The following ABCA4 variants were observed in gnomAD, a reference collection of about 807,000 sequenced individuals.
The protein encoded by ABCA4 is ATP binding cassette subfamily A member 4, also known as retinal-specific phospholipid-transporting ATPase ABCA4.
In ABCA4, 196 loss-of-function variants were observed where a neutral mutation model predicts 263.7. That is an observed-to-expected ratio of 0.74 (90% CI 0.66 to 0.84). The LOEUF is 0.84. Ranked by LOEUF, ABCA4 falls within the 40% of genes least tolerant of loss-of-function variation. ABCA4 has a pLI of 0.00. For missense variants in ABCA4, 2,792 were observed against 2,855.1 expected (o/e 0.98, Z 0.50); for synonymous variants, 1,133 against 1,094.2 (o/e 1.04, Z -0.70).
Position 94,044,633 on chromosome 1 carries a change from C to T in ABCA4, c.3030G>A (p.Gln1010=). The change falls in exon 20 of 50, where the codon CAG becomes CAA. Residue 1010 remains glutamine, a synonymous_variant. Transcript: ENST00000370225. ...AVRQSLGMCP[Q]HNILFHHLTV... is the part of the protein sequence containing the mutation. ...CTTACTGGTGGAACAGGATGTTGTGCTGTGGACACATGCCAAGGCTCTGCC... is the reference window on the plus strand; with the variant it reads ...CTTACTGGTGGAACAGGATGTTGTGTTGTGGACACATGCCAAGGCTCTGCC... 6.2e-7 allele frequency: 1 copy of T among 1,614,214 alleles called. No individual in the cohort carries two copies. Among genetic ancestry groups the T allele is most frequent in the Non-Finnish European group, 8.5e-7 (1 of 1,180,048 alleles).
chr1:94,077,722 G>A lies in ABCA4; in HGVS notation c.1522C>T (p.Arg508Cys), dbSNP rs138157885. 287 of 1,613,918 alleles carry A rather than the reference G, an allele frequency of 1.8e-4. No individual in the cohort carries two copies. Among genetic ancestry groups the A allele is most frequent in the Non-Finnish European group, 2.2e-4 (257 of 1,179,884 alleles). ...TATTGATTGACCAGGCGGAGGGTGC[G>A]ATCAGTGATGTTAAATATGTCCCTC... The part of the protein sequence containing the change: ...DWRDIFNITD[R>C]TLRLVNQYLE... The change falls in exon 11 of 50, where the codon CGC becomes TGC. Residue 508 changes from arginine to cysteine, a missense_variant. Physicochemically the swap from Arg to Cys is radical, Grantham distance 180. Coordinates refer to ENST00000370225, the MANE Select transcript of ABCA4 (RefSeq NM_000350.3).
chr1:94,103,034 G>A lies in ABCA4; in HGVS notation c.551C>T (p.Ser184Phe). 1 of 1,614,228 alleles carries A rather than the reference G, an allele frequency of 6.2e-7. No individual in the cohort carries two copies. The highest frequency in any genetic ancestry group is 8.5e-7 in the Non-Finnish European group (1 of 1,180,042). The change falls in exon 5 of 50, where the codon TCT (serine) becomes TTT (phenylalanine). Residue 184 changes from serine (S) to phenylalanine (F), a missense_variant. Physicochemically the swap from Ser to Phe is radical, Grantham distance 155. Transcript: ENST00000370225. ...SDSVVYLLIN[S>F]QVRPEQFAHG... is the part of the protein sequence containing the mutation. ...CCCTACCTGCTCTGGACGGACTTGAGAGTTGATCAGAAGGTAGACCACTGA... is the reference window on the plus strand; with the variant it reads ...CCCTACCTGCTCTGGACGGACTTGAAAGTTGATCAGAAGGTAGACCACTGA...
chr1:94,095,328 G>A (rs908650964), intron 6 of ABCA4, among the ~76,000 whole-genome samples: 5 of 151,934 alleles, frequency 3.3e-5, no homozygotes, highest in African/African-American at 4.8e-5. Context: ...CCCTTGTCTC[G>A]GAGGTTGCAC....
At chr1:94,038,410 C>T (rs1466258708) in intron 24 of ABCA4, among the ~76,000 whole-genome samples, 1 of 152,172 alleles carries the variant, frequency 6.6e-6, no homozygotes, top group East Asian at 1.9e-4. Flanking sequence ...CATGACTCTT[C>T]AGAAAGCAGC....
At chr1:94,055,971 T>A (rs1660967879) in intron 15 of ABCA4, among the ~76,000 whole-genome samples, 1 of 152,144 alleles carries the variant, frequency 6.6e-6, no homozygotes, top group Non-Finnish European at 1.5e-5. Flanking sequence ...AGGGTGGAAA[T>A]GGCCCATTTG....
intron 39 of ABCA4, 61 bp downstream of exon 39, chr1:94,011,201 C>G (rs929506653): frequency 2.5e-6 from 4 of 1,612,558 alleles, no homozygotes; most frequent in African/African-American, 1.3e-5. Context: ...GGAGCCCCCC[C>G]GGTAACCCTC....
At chr1:94,011,199 C>G in intron 39 of ABCA4, 63 bp downstream of exon 39, 4 of 1,612,674 alleles carry the variant, frequency 2.5e-6, no homozygotes, top group South Asian at 1.1e-5. Flanking sequence ...CAGGAGCCCC[C>G]CCGGTAACCC....
intron 11 of ABCA4, among the ~76,000 whole-genome samples, chr1:94,067,274 T>C (rs1661294280): frequency 6.6e-6 from 1 of 152,240 alleles, no homozygotes. Flanking sequence ...CTCTCAGAGA[T>C]ATCTGGCCCA....
chr1:94,026,187 T>C (rs1222340642), intron 30 of ABCA4, among the ~76,000 whole-genome samples: 2 of 152,122 alleles, frequency 1.3e-5, no homozygotes, highest in African/African-American at 4.8e-5. Context: ...TTGCGCACCA[T>C]TCTTTCCTTT....
At chr1:94,024,149 C>G (rs556492674) in intron 31 of ABCA4, among the ~76,000 whole-genome samples, 1 of 152,278 alleles carries the variant, frequency 6.6e-6, no homozygotes, top group Non-Finnish European at 1.5e-5. Flanking sequence ...CAATTTATCC[C>G]TCGTTCAGGG....
intron 45 of ABCA4, 120 bp from the exon 46 acceptor site, chr1:94,001,225 C>T (rs920129506): frequency 2.6e-6 from 2 of 772,782 alleles, no homozygotes; most frequent in African/African-American, 1.7e-5. Context: ...ACAGTCACTC[C>T]CCTCACTTGA....
At chr1:94,000,110 G>T (rs1659132098) in intron 47 of ABCA4, among the ~76,000 whole-genome samples, 1 of 152,228 alleles carries the variant, frequency 6.6e-6, no homozygotes, top group Non-Finnish European at 1.5e-5. Context: ...TGGGTTATGT[G>T]CTGTTCCTCC....
At chr1:93,996,685 T>A (rs1435101406) in intron 48 of ABCA4, among the ~76,000 whole-genome samples, 4 of 151,272 alleles carry the variant, frequency 2.6e-5, no homozygotes, top group African/African-American at 9.8e-5. Flanking sequence ...GATGTTTATT[T>A]TTAAAAAAAC....
chr1:94,018,114 C>T (rs1306169826), intron 36 of ABCA4, among the ~76,000 whole-genome samples: 1 of 152,220 alleles, frequency 6.6e-6, no homozygotes, highest in Non-Finnish European at 1.5e-5. Context: ...CAGCTAGTAT[C>T]ACCTCCCACC....
At chr1:94,015,560 C>T (rs1213636174) in intron 37 of ABCA4, among the ~76,000 whole-genome samples, 179 bp downstream of exon 37, 1 of 152,142 alleles carries the variant, frequency 6.6e-6, no homozygotes, top group Non-Finnish European at 1.5e-5. Flanking sequence ...TCAGTGGAGT[C>T]AGAATCAGAA....
intron 6 of ABCA4, among the ~76,000 whole-genome samples, chr1:94,095,765 T>TG (rs932360510): frequency 1.2e-4 from 18 of 150,290 alleles, no homozygotes; most frequent in East Asian, 9.9e-4. Flanking sequence ...TTTTTTTTTT[T>TG]GTAAATTTTT....
At chr1:94,053,807 G>A (rs1197981258) in intron 16 of ABCA4, among the ~76,000 whole-genome samples, 2 of 152,244 alleles carry the variant, frequency 1.3e-5, no homozygotes, top group African/African-American at 2.4e-5. Flanking sequence ...CCTAGTAAAT[G>A]AATGCACGCT....
At chr1:94,010,770 C>T in intron 40 of ABCA4, 30 bp downstream of exon 40, 1 of 1,614,048 alleles carries the variant, frequency 6.2e-7, no homozygotes. Context: ...CCTGAGCTGC[C>T]CACTGGCCCA....
chr1:94,113,298 T>C (rs1201330046), intron 1 of ABCA4, among the ~76,000 whole-genome samples: 1 of 152,230 alleles, frequency 6.6e-6, no homozygotes, highest in Non-Finnish European at 1.5e-5. Context: ...TCTGCCTCTA[T>C]TTTAGAAAAC....
Sources: gnomAD v4.1 joint callset for allele counts (sites outside exome capture counted in the v4.1 genomes callset) on GRCh38, gnomAD v4.1.1 for gene constraint, MANE v1.5 for transcripts, NCBI Gene and HGNC (gene_info 2026-07-23, HGNC 2026-07-21) for gene names.